The following NFIB variants were observed in gnomAD, a reference collection of about 807,000 sequenced individuals.
NFIB encodes nuclear factor 1 B-type.
NFIB carries 11 observed loss-of-function variants against 61.5 expected under a neutral mutation model. That is an observed-to-expected ratio of 0.18 (90% CI 0.11 to 0.30). NFIB has a LOEUF of 0.30. NFIB is among the 10% of genes least tolerant of loss of function. The pLI is 1.00. For missense variants in NFIB, 471 were observed against 608.9 expected (o/e 0.77, Z 2.38); for synonymous variants, 260 against 216.5 (o/e 1.20, Z -1.76).
chr9:14,363,218 C>T (rs901917101), intron 1 of NFIB, among the ~76,000 whole-genome samples: 24 of 152,072 alleles, frequency 1.6e-4, no homozygotes, highest in African/African-American at 5.3e-4. Flanking sequence ...CCCTCACCCC[C>T]ACTCCTGGCA....
rs79319480 is a variant in NFIB at position 14,290,659 on chromosome 9, T to G, written c.562+16330A>C. On this transcript the variant is annotated intron_variant, in intron 2 of 10. Coordinates refer to ENST00000380953, the MANE Select transcript of NFIB (RefSeq NM_001190737.2). ...GTTTTATTTTACTCATTCTTAACAT[T>G]AAAAATATACACATAAAGTGGAAAT... Among the ~76,000 whole-genome samples, 189 of 152,194 alleles carry G rather than the reference T, an allele frequency of 1.2e-3. 3 individuals carry two copies. The East Asian group carries it at 0.031, about 25-fold the overall frequency.
intron 6 of NFIB, among the ~76,000 whole-genome samples, chr9:14,128,564 G>A (rs982161810): frequency 6.6e-6 from 1 of 151,974 alleles, no homozygotes; most frequent in Non-Finnish European, 1.5e-5. Context: ...TGGGCGTGGT[G>A]GTGGGCACCT....
At chr9:14,158,818 T>C (rs1055202308) in intron 3 of NFIB, among the ~76,000 whole-genome samples, 1 of 152,226 alleles carries the variant, frequency 6.6e-6, no homozygotes. Flanking sequence ...CTTTGTTGTG[T>C]ACTAATGTGT....
the NFIB span, among the ~76,000 whole-genome samples, chr9:14,478,850 T>C: frequency 6.6e-6 from 1 of 152,324 alleles, no homozygotes; most frequent in South Asian, 2.1e-4. Flanking sequence ...GGAATTATGG[T>C]CAAGACATAA....
At chr9:14,265,761 G>A (rs1018891206) in intron 2 of NFIB, among the ~76,000 whole-genome samples, 1 of 152,194 alleles carries the variant, frequency 6.6e-6, no homozygotes, top group Non-Finnish European at 1.5e-5. Context: ...ATCAAGCATT[G>A]AGCTACATGC....
the NFIB span, among the ~76,000 whole-genome samples, chr9:14,465,837 C>T: frequency 2.6e-5 from 4 of 152,102 alleles, no homozygotes; most frequent in Admixed American, 1.3e-4. Context: ...AAGCAGCATC[C>T]CTGCACCCTA....
intron 6 of NFIB, among the ~76,000 whole-genome samples, chr9:14,143,049 A>C (rs552997622): frequency 7.9e-4 from 121 of 152,234 alleles, no homozygotes; most frequent in African/African-American, 2.9e-3. Context: ...TCATCAGAAG[A>C]AGCAAATTAT....
At chr9:14,266,625 CAA>C (rs1276113950) in intron 2 of NFIB, among the ~76,000 whole-genome samples, 1 of 151,862 alleles carries the variant, frequency 6.6e-6, no homozygotes, top group Non-Finnish European at 1.5e-5. Flanking sequence ...AAGTAAAACC[CAA>C]GTCTTCATGC....
At chr9:14,187,116 CTCTG>C (rs946326190) in intron 2 of NFIB, among the ~76,000 whole-genome samples, 3 of 151,634 alleles carry the variant, frequency 2.0e-5, no homozygotes, top group East Asian at 1.9e-4. Flanking sequence ...GCTTCTGTCT[CTCTG>C]TCTCTTTTCA....
chr9:14,138,055 G>A (rs936862041), intron 6 of NFIB, among the ~76,000 whole-genome samples: 2 of 152,084 alleles, frequency 1.3e-5, no homozygotes, highest in African/African-American at 4.8e-5. Flanking sequence ...TAACGAGCAT[G>A]GGTTTCTTCA....
At chr9:14,097,013 G>C (rs956322080) in intron 10 of NFIB, among the ~76,000 whole-genome samples, 2 of 152,070 alleles carry the variant, frequency 1.3e-5, no homozygotes, top group African/African-American at 4.8e-5. Context: ...GCAAAACTAC[G>C]ACAAATCCCA....
In NFIB at chr9:14,313,624, A is replaced by T. The variant is rs571079484; in HGVS notation, c.-113T>A. On this transcript the variant is annotated 5_prime_UTR_variant, in exon 1 of 11. Coordinates refer to ENST00000380953, the MANE Select transcript of NFIB (RefSeq NM_001190737.2). This position sits in a 1 kb window ranked among gnomAD's most constrained non-coding sequence, Gnocchi z 4.5. ...GAGCCCCGCGATGCGATCAATCAGG[A>T]CGGGGCTCTGCGCTGGATCACCGCA... 3.5e-5 allele frequency: 56 copies of T among 1,589,914 alleles called. No individual in the cohort carries two copies. Among genetic ancestry groups the T allele is most frequent in the Non-Finnish European group, 4.8e-5 (56 of 1,168,340 alleles).
the NFIB span, among the ~76,000 whole-genome samples, chr9:14,519,684 G>T: frequency 6.6e-6 from 1 of 152,100 alleles, no homozygotes; most frequent in Non-Finnish European, 1.5e-5. Flanking sequence ...TATATGCCTG[G>T]CAAAATGGTT....
intron 10 of NFIB, among the ~76,000 whole-genome samples, chr9:14,099,028 C>T (rs1472624661): frequency 1.3e-5 from 2 of 152,084 alleles, no homozygotes; most frequent in South Asian, 2.1e-4. Flanking sequence ...TTTTCAGTTC[C>T]GACAAGAGCT....
chr9:14,133,526 C>T (rs758885441), intron 6 of NFIB, among the ~76,000 whole-genome samples: 8 of 152,108 alleles, frequency 5.3e-5, no homozygotes, highest in Non-Finnish European at 1.2e-4. Context: ...GACATTTTTA[C>T]TTCAGGCCAC....
chr9:14,138,516 A>G (rs1215829461), intron 6 of NFIB, among the ~76,000 whole-genome samples: 1 of 152,106 alleles, frequency 6.6e-6, no homozygotes, highest in Non-Finnish European at 1.5e-5. Context: ...AATTAATGTT[A>G]TATTTGTTAA....
At chr9:14,346,637 C>A (rs1459585077) in intron 1 of NFIB, among the ~76,000 whole-genome samples, 1 of 152,118 alleles carries the variant, frequency 6.6e-6, no homozygotes, top group Non-Finnish European at 1.5e-5. Context: ...AAAGTTGAAG[C>A]CCCGGGGTAG....
intron 1 of NFIB, among the ~76,000 whole-genome samples, chr9:14,343,247 T>C (rs1012637359): frequency 6.6e-6 from 1 of 152,206 alleles, no homozygotes; most frequent in South Asian, 2.1e-4. Context: ...AACCATGCTA[T>C]ACTTCTCTTG....
intron 2 of NFIB, among the ~76,000 whole-genome samples, chr9:14,248,036 A>G (rs903700823): frequency 2.4e-4 from 36 of 150,872 alleles, no homozygotes; most frequent in African/African-American, 8.8e-4. Flanking sequence ...GGACTCAAGC[A>G]ATCCTCCTGC....
Sources: gnomAD v4.1 joint callset for allele counts (sites outside exome capture counted in the v4.1 genomes callset) on GRCh38, gnomAD v4.1.1 for gene constraint, Gnocchi (gnomAD v3.1) non-coding constraint, MANE v1.5 for transcripts, NCBI Gene and HGNC (gene_info 2026-07-23, HGNC 2026-07-21) for gene names.